Variants in ARNT2 observed in about 807,000 individuals in gnomAD.
ARNT2 encodes aryl hydrocarbon receptor nuclear translocator 2.
A neutral mutation model predicts 91.7 loss-of-function variants in ARNT2; 36 were observed. The observed-to-expected ratio is 0.39, with a 90% CI of 0.30 to 0.52. The LOEUF is 0.52. ARNT2 is among the 20% of genes least tolerant of loss of function. ARNT2 has a pLI of 0.72. For missense variants in ARNT2, 775 were observed against 939.3 expected (o/e 0.83, Z 2.29); for synonymous variants, 365 against 347.1 (o/e 1.05, Z -0.57).
At chr15:80,408,491 C>T (rs189468427) in intron 1 of ARNT2, among the ~76,000 whole-genome samples, 3 of 152,268 alleles carry the variant, frequency 2.0e-5, no homozygotes, top group East Asian at 3.9e-4. Flanking sequence ...TGATGGCTGG[C>T]GTGTGAGGCA....
intron 15 of ARNT2, 107 bp from the exon 16 acceptor site, chr15:80,580,304 G>A: frequency 1.4e-6 from 2 of 1,392,734 alleles, no homozygotes; most frequent in Non-Finnish European, 2.0e-6. Context: ...GCTGCATGGA[G>A]AGAGAGCCAG....
chr15:80,559,843 G>C (rs184440425), intron 11 of ARNT2, among the ~76,000 whole-genome samples: 2 of 152,162 alleles, frequency 1.3e-5, no homozygotes, highest in Non-Finnish European at 2.9e-5. Flanking sequence ...CGGGTTTTAC[G>C]CTTGGCCTTG....
chr15:80,414,843 T>C (rs1169612181), intron 1 of ARNT2, among the ~76,000 whole-genome samples: 2 of 151,934 alleles, frequency 1.3e-5, no homozygotes, highest in Non-Finnish European at 2.9e-5. Flanking sequence ...AACACTTCTA[T>C]TCCCTGCACA....
In ARNT2 at chr15:80,591,809, A is replaced by AGTTCTG; in HGVS notation, c.2055+107_2055+112dup. Reference sequence around the variant, plus strand: ...CACCGCCTGCCCGATAGCCGTCGTGAGTTCTGGCCCAGCCTGGGCTCGAGG... The same window carrying AGTTCTG: ...CACCGCCTGCCCGATAGCCGTCGTGAGTTCTGGTTCTGGCCCAGCCTGGGCTCGAGG... On this transcript the variant is annotated intron_variant, in intron 18 of 18. Transcript: ENST00000303329. This position sits in a 1 kb window ranked among gnomAD's most constrained non-coding sequence, Gnocchi z 5.1. 6.5e-7 allele frequency: 1 copy of AGTTCTG among 1,538,592 alleles called. No homozygotes were observed. Among genetic ancestry groups the AGTTCTG allele is most frequent in the Non-Finnish European group, 8.8e-7 (1 of 1,138,530 alleles).
chr15:80,409,874 T>C (rs1381048377), intron 1 of ARNT2, among the ~76,000 whole-genome samples: 6 of 152,058 alleles, frequency 3.9e-5, no homozygotes, highest in Admixed American at 6.5e-5. Context: ...GAAGAGCCCC[T>C]TCAAAGGCCC....
chr15:80,440,893 C>A (rs1419818354), intron 1 of ARNT2, among the ~76,000 whole-genome samples: 1 of 152,228 alleles, frequency 6.6e-6, no homozygotes, highest in African/African-American at 2.4e-5. Context: ...AGTCAGAGTT[C>A]TCTGATTCTC....
chr15:80,466,288 A>G (rs1204400613), intron 3 of ARNT2, among the ~76,000 whole-genome samples: 1 of 152,226 alleles, frequency 6.6e-6, no homozygotes, highest in Non-Finnish European at 1.5e-5. Context: ...GTCAGTGTGC[A>G]GTTAGTTGAA....
chr15:80,559,279 C>G (rs924499958), intron 11 of ARNT2, among the ~76,000 whole-genome samples: 3 of 152,246 alleles, frequency 2.0e-5, no homozygotes, highest in African/African-American at 7.2e-5. Context: ...CACATTTCTC[C>G]AGTGGGATGG....
At chr15:80,490,505 A>C (rs1257342666) in intron 5 of ARNT2, among the ~76,000 whole-genome samples, 1 of 152,226 alleles carries the variant, frequency 6.6e-6, no homozygotes, top group Non-Finnish European at 1.5e-5. Context: ...AAGCCCACGG[A>C]AGAAAGCCTG....
At chr15:80,537,581 T>C (rs1310741033) in intron 8 of ARNT2, among the ~76,000 whole-genome samples, 1 of 152,268 alleles carries the variant, frequency 6.6e-6, no homozygotes. Context: ...ATGATCAATC[T>C]GTGATGCCTG....
Position 80,419,962 on chromosome 15 carries a change from C to T in ARNT2, c.31+15416C>T, listed in dbSNP as rs562207452. On this transcript the variant is annotated intron_variant, in intron 1 of 18. Transcript: ENST00000303329. ...GAGCCTTGGAGGAGATGGTGGTGGG[C>T]TCCGTCTGAGTTGGGGAGCCTGGGG... 7.4e-4 allele frequency among the ~76,000 whole-genome samples: 113 copies of T among 152,228 alleles called. 1 individual carries two copies. Among genetic ancestry groups the T allele is most frequent in the Non-Finnish European group, 1.4e-3 (94 of 67,994 alleles).
intron 17 of ARNT2, among the ~76,000 whole-genome samples, chr15:80,590,745 T>C (rs1408935484): frequency 6.6e-6 from 1 of 152,252 alleles, no homozygotes; most frequent in Non-Finnish European, 1.5e-5. Flanking sequence ...CTTTCTCGTA[T>C]GTAAAAAACC....
chr15:80,543,094 C>CAAAAAAAAA (rs368917679), intron 8 of ARNT2, among the ~76,000 whole-genome samples: 1 of 86,716 alleles, frequency 1.2e-5, no homozygotes, highest in Non-Finnish European at 2.4e-5. Context: ...CAGACCCGGT[C>CAAAAAAAAA]AAAAAAAAAA....
chr15:80,580,375 G>T, intron 15 of ARNT2, 36 bp from the exon 16 acceptor site: 1 of 1,612,930 alleles, frequency 6.2e-7, no homozygotes, highest in Non-Finnish European at 8.5e-7. Context: ...CAAACCAGGT[G>T]TGTCCTCGGG....
chr15:80,531,246 G>C (rs1267389937), intron 8 of ARNT2, among the ~76,000 whole-genome samples: 1 of 152,242 alleles, frequency 6.6e-6, no homozygotes, highest in Non-Finnish European at 1.5e-5. Context: ...TTTGCACAGG[G>C]TTAATGCAAT....
In ARNT2 at chr15:80,470,269, C is replaced by T; in HGVS notation, c.246C>T (p.Tyr82=). ...GCAGACGGAACAAGATGACTCAGTA[C>T]ATCACGGAGCTCTCCGACATGGTCC... is the stretch of plus-strand genomic sequence containing the variant. The part of the protein sequence containing the change: ...ERRRRNKMTQ[Y]ITELSDMVPT... Residue 82 remains tyrosine, a synonymous_variant, in exon 4 of 19, where the codon TAC becomes TAT. Transcript: ENST00000303329. 1 of 1,614,176 alleles carries T rather than the reference C, an allele frequency of 6.2e-7. No homozygotes were observed. Among genetic ancestry groups the T allele is most frequent in the Non-Finnish European group, 8.5e-7 (1 of 1,180,032 alleles).
At chr15:80,455,417 C>T (rs182915885) in intron 2 of ARNT2, among the ~76,000 whole-genome samples, 2 of 152,120 alleles carry the variant, frequency 1.3e-5, no homozygotes, top group African/African-American at 4.8e-5. Context: ...AAGTTCCCGG[C>T]GGACTTCAGA....
chr15:80,544,656 G>A (rs1418118580), intron 8 of ARNT2, among the ~76,000 whole-genome samples: 1 of 152,124 alleles, frequency 6.6e-6, no homozygotes, highest in Non-Finnish European at 1.5e-5. Context: ...AGTAAGCCAG[G>A]CTTACAGACC....
At chr15:80,471,847 C>G (rs1896735389) in intron 4 of ARNT2, among the ~76,000 whole-genome samples, 1 of 152,124 alleles carries the variant, frequency 6.6e-6, no homozygotes. Context: ...CTACACTAGT[C>G]TTTGACTAGT....
Sources: gnomAD v4.1 joint callset for allele counts (sites outside exome capture counted in the v4.1 genomes callset) on GRCh38, gnomAD v4.1.1 for gene constraint, Gnocchi (gnomAD v3.1) non-coding constraint, MANE v1.5 for transcripts, NCBI Gene and HGNC (gene_info 2026-07-23, HGNC 2026-07-21) for gene names.